The following CPNE8 variants were observed in gnomAD, a reference collection of about 807,000 sequenced individuals.
CPNE8 encodes copine 8.
CPNE8 carries 45 observed loss-of-function variants against 81.5 expected under a neutral mutation model. The observed-to-expected ratio is 0.55, with a 90% CI of 0.44 to 0.71. CPNE8 has a LOEUF of 0.71. Ranked by LOEUF, CPNE8 falls within the 30% of genes least tolerant of loss-of-function variation. The probability of loss-of-function intolerance (pLI) is 0.00; values close to 1 mark genes in which losing one functional copy is unlikely to be tolerated. For missense variants in CPNE8, 594 were observed against 672.1 expected, an observed-to-expected ratio of 0.88 and a Z score of 1.28; for synonymous variants, 252 against 226.3, an observed-to-expected ratio of 1.11 and a Z score of -1.02.
At chr12:38,754,772 C>G (rs1941424514) in intron 10 of CPNE8, among the ~76,000 whole-genome samples, 1 of 151,962 alleles carries the variant, frequency 6.6e-6, no homozygotes, top group Non-Finnish European at 1.5e-5. Flanking sequence ...GTCAATGAAT[C>G]ACATATAGAT....
upstream of CPNE8, chr12:38,905,602 T>G (rs1108122): frequency 0.022 from 33,531 of 1,530,208 alleles, 2,922 homozygotes; most frequent in East Asian, 0.32. Context: ...GAGGGCTAGC[T>G]CCCGTCAGGC....
intron 11 of CPNE8, 45 bp from the exon 12 acceptor site, chr12:38,724,944 C>A: frequency 6.9e-7 from 1 of 1,459,088 alleles, no homozygotes; most frequent in Non-Finnish European, 9.4e-7. Context: ...GGTTTTATAC[C>A]GAAGTTTTAT....
chr12:38,688,935 C>G (rs1196058502), intron 15 of CPNE8, among the ~76,000 whole-genome samples: 1 of 152,082 alleles, frequency 6.6e-6, no homozygotes, highest in African/African-American at 2.4e-5. Flanking sequence ...CAAAAAACAC[C>G]TGTTCCCCCA....
intron 1 of CPNE8, among the ~76,000 whole-genome samples, chr12:38,875,386 A>G (rs556578969): frequency 6.6e-6 from 1 of 152,326 alleles, no homozygotes; most frequent in Admixed American, 6.5e-5. Flanking sequence ...AAATTTGATT[A>G]TCTAGAATGA....
chr12:38,786,229 T>C (rs1022893768), intron 6 of CPNE8, among the ~76,000 whole-genome samples: 4 of 152,164 alleles, frequency 2.6e-5, no homozygotes, highest in Non-Finnish European at 5.9e-5. Flanking sequence ...ATAACTGTGA[T>C]GGTTAATACT....
chr12:38,668,371 T>A (rs1286396350), intron 19 of CPNE8, among the ~76,000 whole-genome samples: 1 of 152,218 alleles, frequency 6.6e-6, no homozygotes, highest in African/African-American at 2.4e-5. Context: ...GTATATCTAT[T>A]GATTGATTAG....
intron 8 of CPNE8, among the ~76,000 whole-genome samples, chr12:38,766,015 C>T (rs1028640042): frequency 4.6e-5 from 7 of 152,174 alleles, no homozygotes; most frequent in Admixed American, 1.3e-4. Flanking sequence ...CCTGCCACCA[C>T]GCCCAGCTAA....
At chr12:38,686,304 A>T (rs1440142948) in intron 15 of CPNE8, among the ~76,000 whole-genome samples, 1 of 152,214 alleles carries the variant, frequency 6.6e-6, no homozygotes, top group Admixed American at 6.5e-5. Context: ...TTAAAGGGAA[A>T]TGGAGCTTGT....
At chr12:38,781,296 G>C (rs927271991) in intron 6 of CPNE8, among the ~76,000 whole-genome samples, 4 of 151,826 alleles carry the variant, frequency 2.6e-5, no homozygotes, top group African/African-American at 9.7e-5. Flanking sequence ...AAACCTAGAG[G>C]AATAGTTACT....
At chr12:38,707,274 G>A (rs826889) in intron 13 of CPNE8, among the ~76,000 whole-genome samples, 78,728 of 151,950 alleles carry the variant, frequency 0.52, 21,531 homozygotes, top group East Asian at 0.81. Context: ...TACTTGCACT[G>A]CTGCACTCCA....
chr12:38,886,585 A>G (rs113363481), intron 1 of CPNE8, among the ~76,000 whole-genome samples: 1 of 152,192 alleles, frequency 6.6e-6, no homozygotes, highest in South Asian at 2.1e-4. Context: ...AGAGTAGTGT[A>G]TGGGAATAGT....
chr12:38,654,574 C>A (rs1430769205), intron 19 of CPNE8, among the ~76,000 whole-genome samples: 2 of 148,236 alleles, frequency 1.3e-5, no homozygotes, highest in Non-Finnish European at 3.0e-5. Context: ...ACTAAACTTA[C>A]ATAATATATG....
chr12:38,806,149 T>C (rs1942796133), intron 6 of CPNE8, among the ~76,000 whole-genome samples: 1 of 150,080 alleles, frequency 6.7e-6, no homozygotes, highest in African/African-American at 2.4e-5. Flanking sequence ...ACCAGATGGA[T>C]TCACAGCTGA....
chr12:38,838,695 C>A (rs1943422795), intron 5 of CPNE8, among the ~76,000 whole-genome samples: 4 of 152,100 alleles, frequency 2.6e-5, no homozygotes, highest in African/African-American at 9.7e-5. Flanking sequence ...CTTGTTGCAG[C>A]ATTTTTTTCA....
At chr12:38,732,472 C>T (rs903042454) in intron 10 of CPNE8, among the ~76,000 whole-genome samples, 5 of 151,930 alleles carry the variant, frequency 3.3e-5, no homozygotes, top group Non-Finnish European at 7.4e-5. Flanking sequence ...ATTTGTAAGC[C>T]TCTACAGAAT....
intron 6 of CPNE8, among the ~76,000 whole-genome samples, chr12:38,794,138 C>T (rs930176930): frequency 2.6e-5 from 4 of 152,012 alleles, no homozygotes; most frequent in Non-Finnish European, 5.9e-5. Context: ...TTGGTCTTGA[C>T]AATGATTTCT....
At chr12:38,814,455 T>C (rs1370902503) in intron 6 of CPNE8, among the ~76,000 whole-genome samples, 1 of 151,452 alleles carries the variant, frequency 6.6e-6, no homozygotes, top group Non-Finnish European at 1.5e-5. Context: ...TAACTGGGAC[T>C]ACAGGCACAC....
At chr12:38,896,975 A>G (rs1378761145) in intron 1 of CPNE8, among the ~76,000 whole-genome samples, 1 of 152,120 alleles carries the variant, frequency 6.6e-6, no homozygotes, top group Non-Finnish European at 1.5e-5. Context: ...CATTGTACAG[A>G]CTTTATTTCA....
At chr12:38,724,093 G>C (rs1232856696) in intron 12 of CPNE8, among the ~76,000 whole-genome samples, 4 of 152,112 alleles carry the variant, frequency 2.6e-5, no homozygotes, top group African/African-American at 9.7e-5. Flanking sequence ...CAAGGACATT[G>C]TGTTACTTCC....
Sources: allele counts gnomAD v4.1 joint callset (sites outside exome capture counted in the v4.1 genomes callset), GRCh38; gene constraint gnomAD v4.1.1; transcripts MANE v1.5; gene names NCBI Gene and HGNC (gene_info 2026-07-23, HGNC 2026-07-21).